The following LRRC61 variants were observed in gnomAD, a reference collection of about 807,000 sequenced individuals.
LRRC61 encodes the protein leucine rich repeat containing 61, also known as leucine-rich repeat-containing protein 61.
In LRRC61, 9 loss-of-function variants were observed where a neutral mutation model predicts 15.1. The ratio of observed to expected loss-of-function variants is 0.60; its 90% CI spans 0.36 to 1.04. The LOEUF (loss-of-function observed/expected upper bound fraction) is 1.04. Ranked by LOEUF, LRRC61 falls within the 50% of genes least tolerant of loss-of-function variation. The pLI, the probability that LRRC61 is intolerant of heterozygous loss-of-function variation, is 0.01. For synonymous variants in LRRC61, 173 were observed against 158.6 expected (o/e 1.09, Z -0.68); for missense variants, 344 against 335.6 (o/e 1.03, Z -0.20).
At chr7:150,326,716 C>A (rs1276647454) in intron 2 of LRRC61, among the ~76,000 whole-genome samples, 1 of 151,792 alleles carries the variant, frequency 6.6e-6, no homozygotes, top group Non-Finnish European at 1.5e-5. Context: ...TGGAGGGTGA[C>A]CCCGTTCTGC....
rs1231360454 is a variant in LRRC61 at position 150,333,173 on chromosome 7, C to T, written c.-144-3545C>T. 1.2e-4 allele frequency among the ~76,000 whole-genome samples: 18 copies of T among 152,050 alleles called. No individual in the cohort carries two copies. The highest frequency in any genetic ancestry group is 2.1e-4 in the Non-Finnish European group (14 of 68,020). The stretch of plus-strand genomic sequence containing the variant: ...GAGGCAGCGAGGCTCGGGAGAAGAA[C>T]GTGAGAAGATTGGGTGAGGATGAAA... On this transcript the variant is annotated intron_variant, in intron 2 of 2. Coordinates refer to ENST00000359623, the MANE Select transcript of LRRC61 (RefSeq NM_001142928.2). The surrounding 1 kb of genome is among the most constrained non-coding windows in gnomAD (Gnocchi z 4.3).
At chr7:150,321,845 G>A (rs563028030), upstream of LRRC61, among the ~76,000 whole-genome samples, 159 of 152,350 alleles carry the variant, frequency 1.0e-3, no homozygotes, top group African/African-American at 3.7e-3. Flanking sequence ...AACTAGACTG[G>A]CTTGGCATTA....
chr7:150,332,126 C>G (rs1226353941), intron 2 of LRRC61: 4 of 167,098 alleles, frequency 2.4e-5, no homozygotes, highest in African/African-American at 9.7e-5. Flanking sequence ...TTGTCCTGGA[C>G]CACTTTTAAA....
Position 150,333,928 on chromosome 7 carries a change from G to C in LRRC61, c.-144-2790G>C. On this transcript the variant is annotated intron_variant, in intron 2 of 2. Coordinates refer to ENST00000359623, the MANE Select transcript of LRRC61 (RefSeq NM_001142928.2). This position sits in a 1 kb window ranked among gnomAD's most constrained non-coding sequence, Gnocchi z 4.3. ...GGTCACTGACCCCCAAGAGAATGAG[G>C]GTTATGCACGACCCATCACCAAGAC... The C allele has an allele frequency of 1.0e-6, 1 of 985,276 alleles. No homozygotes were observed. The allele number at this position is 985,276 out of a possible 1,614,324, so 61.0% of individuals were successfully genotyped here. A position where few individuals can be genotyped will look rare whatever the true frequency, so the allele number is the denominator to read the frequency against.
the LRRC61 span, among the ~76,000 whole-genome samples, chr7:150,317,625 G>A: frequency 6.6e-6 from 1 of 152,124 alleles, no homozygotes; most frequent in Non-Finnish European, 1.5e-5. Context: ...GATGGTAATA[G>A]TATATGTGAT....
In LRRC61 at chr7:150,336,836, A is replaced by C; in HGVS notation, c.-26A>C. 1 of 1,580,802 alleles carries C rather than the reference A, an allele frequency of 6.3e-7. No individual in the cohort carries two copies. The highest frequency in any genetic ancestry group is 2.2e-5 in the East Asian group (1 of 44,588). Reference sequence around the variant, plus strand: ...CCCTGTGACAGTCCTGCCAGGGCCCAGGCCATCCCAACCGACTTCCATCTC... The same window carrying C: ...CCCTGTGACAGTCCTGCCAGGGCCCCGGCCATCCCAACCGACTTCCATCTC... On this transcript the variant is annotated 5_prime_UTR_variant, in exon 3 of 3. Transcript: ENST00000359623.
At chr7:150,323,842 C>T (rs113027775) in intron 1 of LRRC61, 26 of 382,888 alleles carry the variant, frequency 6.8e-5, no homozygotes, top group African/African-American at 5.0e-4. Context: ...GAGGCGTGTG[C>T]TGGAGCAGGA....
the LRRC61 span, among the ~76,000 whole-genome samples, chr7:150,311,830 T>G: frequency 1.2e-4 from 19 of 152,340 alleles, no homozygotes; most frequent in East Asian, 3.7e-3. Flanking sequence ...CAAGCGGAAC[T>G]GATTGCTTTA....
At chr7:150,321,252 T>G (rs1797480592), upstream of LRRC61, among the ~76,000 whole-genome samples, 1 of 152,220 alleles carries the variant, frequency 6.6e-6, no homozygotes, top group Non-Finnish European at 1.5e-5. Flanking sequence ...GCCTGATTTT[T>G]TTGCCCCTAT....
Position 150,337,248 on chromosome 7 carries a change from C to G in LRRC61, c.387C>G (p.Leu129=), listed in dbSNP as rs759579728. The G allele has an allele frequency of 1.9e-6, 3 of 1,604,024 alleles. No individual in the cohort carries two copies. In the Admixed American group the frequency reaches 5.0e-5, roughly 27 times the overall value. The change falls in exon 3 of 3, where the codon CTC becomes CTG. Residue 129 remains leucine (L), a synonymous_variant. Coordinates refer to ENST00000359623, the MANE Select transcript of LRRC61 (RefSeq NM_001142928.2). ...TACCGTGCCTGGAGTACCTGCGGCT[C>G]CGAGACCCTTTGGCCCGGCTCAGCA... The part of the protein sequence containing the change: ...AGLPCLEYLR[L]RDPLARLSNP...
intron 1 of LRRC61, chr7:150,323,864 C>T (rs915573577): frequency 5.5e-6 from 2 of 366,046 alleles, no homozygotes; most frequent in African/African-American, 4.4e-5. Flanking sequence ...CACGGCCGTG[C>T]TCAGAGACGG....
At chr7:150,309,699 G>A in the LRRC61 span, among the ~76,000 whole-genome samples, 11 of 152,164 alleles carry the variant, frequency 7.2e-5, 1 homozygote, top group Admixed American at 5.2e-4. Context: ...TGTCCCACCT[G>A]TGCGGGACCC....
At chr7:150,320,588 C>G (rs1266416776), upstream of LRRC61, among the ~76,000 whole-genome samples, 1 of 152,166 alleles carries the variant, frequency 6.6e-6, no homozygotes, top group Non-Finnish European at 1.5e-5. Context: ...TATGGCAAAA[C>G]CCCGTCTCTA....
At chr7:150,321,350 C>G (rs2129617742), upstream of LRRC61, among the ~76,000 whole-genome samples, 1 of 152,316 alleles carries the variant, frequency 6.6e-6, no homozygotes, top group Middle Eastern at 3.4e-3. Flanking sequence ...CCATTTCCTA[C>G]TGTAACATGC....
At chr7:150,334,299 C>T (rs1468365013) in intron 2 of LRRC61, among the ~76,000 whole-genome samples, 2 of 152,134 alleles carry the variant, frequency 1.3e-5, no homozygotes, top group African/African-American at 2.4e-5. Flanking sequence ...TCCAGTGGGG[C>T]GTCCTAGTAG....
rs1585046869 is a variant in LRRC61, at chr7:150,333,378, G to A, written c.-144-3340G>A. Among the ~76,000 whole-genome samples, 1 of 152,220 alleles carries A rather than the reference G, an allele frequency of 6.6e-6. No individual in the cohort carries two copies. ...TTGGTGTCTAGTGGACAAAGGCCAG[G>A]GATGCTGCTCAGCACCCTCCAATGT... On this transcript the variant is annotated intron_variant, in intron 2 of 2. Coordinates refer to ENST00000359623, the MANE Select transcript of LRRC61 (RefSeq NM_001142928.2). This position sits in a 1 kb window ranked among gnomAD's most constrained non-coding sequence, Gnocchi z 4.3.
At chr7:150,326,682 GAAAA>G (rs34287911) in intron 2 of LRRC61, among the ~76,000 whole-genome samples, 1 of 130,494 alleles carries the variant, frequency 7.7e-6, no homozygotes, top group Non-Finnish European at 1.6e-5. Context: ...GACCCAGTCT[GAAAA>G]AAAAAAAAAA....
chr7:150,318,756 GCAA>G (rs1176899705), upstream of LRRC61, among the ~76,000 whole-genome samples: 2 of 152,056 alleles, frequency 1.3e-5, no homozygotes, highest in African/African-American at 4.8e-5. Flanking sequence ...AACAACAATG[GCAA>G]CAACAACAAC....
chr7:150,310,429 C>G, the LRRC61 span, among the ~76,000 whole-genome samples: 1 of 152,178 alleles, frequency 6.6e-6, no homozygotes, highest in Non-Finnish European at 1.5e-5. Context: ...ATTCTCCTTA[C>G]AACTCCCCTA....
Sources: allele counts gnomAD v4.1 joint callset (sites outside exome capture counted in the v4.1 genomes callset), GRCh38; gene constraint gnomAD v4.1.1; non-coding constraint Gnocchi (gnomAD v3.1); transcripts MANE v1.5; gene names NCBI Gene and HGNC (gene_info 2026-07-23, HGNC 2026-07-21).